ZNF518A: variants seen among roughly 807,000 people sequenced by gnomAD.
The protein encoded by ZNF518A is zinc finger protein 518A.
A neutral mutation model predicts 102.7 loss-of-function variants in ZNF518A; 47 were observed. The observed-to-expected ratio is 0.46, with a 90% CI of 0.36 to 0.58. The LOEUF is 0.58. Among genes scored for constraint, ZNF518A ranks in the 20% least tolerant of loss-of-function variants. The probability of loss-of-function intolerance (pLI) is 0.00; values close to 1 mark genes in which losing one functional copy is unlikely to be tolerated. For synonymous variants in ZNF518A, 652 were observed against 594.6 expected (o/e 1.10, Z -1.40); for missense variants, 1,793 against 1,699.8 (o/e 1.05, Z -0.96).
chr10:96,198,799 A>G (rs587748650), intron 1 of ZNF518A, among the ~76,000 whole-genome samples: 75 of 152,300 alleles, frequency 4.9e-4, no homozygotes, highest in African/African-American at 1.8e-3. Flanking sequence ...CCTAGGCCCA[A>G]CCGATTCTCC....
chr10:96,181,247 C>T lies in ZNF518A; in HGVS notation n.36-22327C>T, dbSNP rs587667924. ...TTCTTTGTAGACTCTGGATATTAGCCCTTTGTCAGATGGATAGATTGCAAA... is the reference window on the plus strand; with the variant it reads ...TTCTTTGTAGACTCTGGATATTAGCTCTTTGTCAGATGGATAGATTGCAAA... On this transcript the variant is annotated intron_variant and non_coding_transcript_variant, in intron 1 of 2. Coordinates refer to the ZNF518A transcript ENST00000442635. Among the ~76,000 whole-genome samples the T allele has an allele frequency of 1.5e-3, 206 of 134,682 alleles. 1 individual carries two copies. The highest frequency in any genetic ancestry group is 4.9e-3 in the African/African-American group (196 of 40,276). 88.4% of individuals were successfully genotyped at this position (134,682 alleles called of 152,430 possible).
intron 1 of ZNF518A, chr10:96,196,878 T>G: frequency 1.2e-6 from 2 of 1,604,154 alleles, no homozygotes; most frequent in Non-Finnish European, 1.7e-6. Context: ...TGCATAGTTA[T>G]AGAATTGAAT....
chr10:96,144,553 T>G (rs2082083721), intron 3 of ZNF518A, among the ~76,000 whole-genome samples: 1 of 152,128 alleles, frequency 6.6e-6, no homozygotes, highest in Non-Finnish European at 1.5e-5. Flanking sequence ...ATTACCAAAG[T>G]GACTCAAGCA....
chr10:96,180,614 G>A (rs1424344478), intron 1 of ZNF518A, among the ~76,000 whole-genome samples: 12 of 151,956 alleles, frequency 7.9e-5, no homozygotes, highest in African/African-American at 2.2e-4. Flanking sequence ...CTGTCCTTGC[G>A]ATAGTTTGCT....
rs1175595749 is a variant in ZNF518A, at chr10:96,158,133, T to C, written c.1811T>C (p.Val604Ala). 1 of 1,613,562 alleles carries C rather than the reference T, an allele frequency of 6.2e-7. No homozygotes were observed. The highest frequency in any genetic ancestry group is 8.5e-7 in the Non-Finnish European group (1 of 1,179,648). ...AAAAGTCCAGATAAAGTCAACTGTG[T>C]TGCCAAACCAAATGCATACAACAGT... is the stretch of plus-strand genomic sequence containing the variant. ...TIKSPDKVNC[V>A]AKPNAYNSGD... The change falls in exon 6 of 6, where the codon GTT (valine) becomes GCT (alanine). Residue 604 changes from valine to alanine, a missense_variant. Around this residue, in one of 3 missense-constraint regions of ZNF518A, gnomAD observed 1,741 missense variants for 1,622.6 expected, o/e 1.07. Coordinates refer to ENST00000316045, the MANE Select transcript of ZNF518A (RefSeq NM_001330736.2).
intron 1 of ZNF518A, among the ~76,000 whole-genome samples, chr10:96,197,348 A>G (rs1554894948): frequency 6.6e-6 from 1 of 152,204 alleles, no homozygotes; most frequent in African/African-American, 2.4e-5. Context: ...TTTGTTGCCC[A>G]GGCTGGTGTG....
At chr10:96,204,721 C>A, downstream of ZNF518A, 1 of 983,420 alleles carries the variant, frequency 1.0e-6, no homozygotes, top group Non-Finnish European at 1.6e-6. Flanking sequence ...CAGAAGTCTT[C>A]CCGGGAACAT....
At chr10:96,203,464 G>A (rs2083705391) in intron 1 of ZNF518A, 1 of 152,196 alleles carries the variant, frequency 6.6e-6, no homozygotes, top group African/African-American at 2.4e-5. Flanking sequence ...AATTATCTAT[G>A]TAAAGCAGAG....
chr10:96,174,825 C>T (rs2133886472), intron 1 of ZNF518A, among the ~76,000 whole-genome samples: 1 of 152,194 alleles, frequency 6.6e-6, no homozygotes, highest in East Asian at 1.9e-4. Context: ...GTTTGAGTCC[C>T]CCACTCCCCC....
At chr10:96,205,115 C>A (rs117760185), downstream of ZNF518A, 2,264 of 169,430 alleles carry the variant, frequency 0.013, 81 homozygotes, top group Admixed American at 0.073. Flanking sequence ...TTAATTGGAT[C>A]AAATTCAAGG....
intron 1 of ZNF518A, among the ~76,000 whole-genome samples, chr10:96,186,880 C>G (rs2083274926): frequency 6.6e-6 from 1 of 152,192 alleles, no homozygotes; most frequent in African/African-American, 2.4e-5. Context: ...GGGTCATTCA[C>G]ATATTTAGTA....
chr10:96,195,588 G>A (rs1554894498), intron 1 of ZNF518A, among the ~76,000 whole-genome samples: 1 of 152,210 alleles, frequency 6.6e-6, no homozygotes, highest in African/African-American at 2.4e-5. Context: ...GATTCCACTT[G>A]TATGAGGTAT....
intron 3 of ZNF518A, among the ~76,000 whole-genome samples, chr10:96,146,177 C>T (rs2082164654): frequency 6.6e-6 from 1 of 151,884 alleles, no homozygotes; most frequent in Admixed American, 6.6e-5. Flanking sequence ...TTTTAAATTG[C>T]ATAATATTCC....
chr10:96,197,166 G>T, intron 1 of ZNF518A: 1 of 845,692 alleles, frequency 1.2e-6, no homozygotes, highest in South Asian at 1.8e-5. Context: ...ACATTCCAAA[G>T]GTAAATTATT....
At chr10:96,198,476 A>T (rs896745493) in intron 1 of ZNF518A, among the ~76,000 whole-genome samples, 36 of 152,346 alleles carry the variant, frequency 2.4e-4, no homozygotes, top group African/African-American at 7.9e-4. Context: ...TTCTGGTAAA[A>T]TGATTAGACT....
downstream of ZNF518A, among the ~76,000 whole-genome samples, chr10:96,165,271 C>T (rs587684384): frequency 3.5e-4 from 53 of 152,192 alleles, no homozygotes; most frequent in African/African-American, 1.3e-3. Context: ...CGATACCCAG[C>T]TAATTTTCAT....
rs1554883784 is a variant in ZNF518A at position 96,157,754 on chromosome 10, A to G, written c.1432A>G (p.Lys478Glu). 6.2e-7 allele frequency: 1 copy of G among 1,613,912 alleles called. No homozygotes were observed. Among genetic ancestry groups the G allele is most frequent in the Admixed American group, 1.7e-5 (1 of 60,028 alleles). Reference protein sequence around the residue: ...CSPGSQSGAAKDGTANLQPQT... With the variant: ...CSPGSQSGAAEDGTANLQPQT... ...ACCAGGCTCACAGTCAGGTGCTGCAAAGGACGGTACTGCTAATTTGCAGCC... is the reference window on the plus strand; with the variant it reads ...ACCAGGCTCACAGTCAGGTGCTGCAGAGGACGGTACTGCTAATTTGCAGCC... The change falls in exon 6 of 6, where the codon AAG (lysine) becomes GAG (glutamate). Residue 478 changes from lysine (K) to glutamate (E), a missense_variant. Lys to Glu is a moderately conservative substitution (Grantham distance 56). Around this residue, in one of 3 missense-constraint regions of ZNF518A, gnomAD observed 1,741 missense variants for 1,622.6 expected, o/e 1.07. Transcript: ENST00000316045.
intron 1 of ZNF518A, among the ~76,000 whole-genome samples, chr10:96,185,520 A>G (rs2083266721): frequency 6.6e-6 from 1 of 152,144 alleles, no homozygotes; most frequent in Admixed American, 6.5e-5. Context: ...GTTGATGCTG[A>G]TGCTATTCCT....
chr10:96,189,307 T>G (rs1336097730), intron 1 of ZNF518A: 4 of 478,066 alleles, frequency 8.4e-6, no homozygotes. Flanking sequence ...ATATTGACTG[T>G]TAGAGAAATG....
Sources: allele counts gnomAD v4.1 joint callset (sites outside exome capture counted in the v4.1 genomes callset), GRCh38; gene constraint gnomAD v4.1.1; regional missense constraint gnomAD v4.1.1; transcripts MANE v1.5; gene names NCBI Gene and HGNC (gene_info 2026-07-23, HGNC 2026-07-21).